Variants in CAPG observed in about 807,000 individuals in gnomAD.
CAPG encodes the protein macrophage-capping protein.
CAPG carries 32 observed loss-of-function variants against 44.6 expected under a neutral mutation model. The ratio of observed to expected loss-of-function variants is 0.72; its 90% CI spans 0.54 to 0.96. CAPG has a LOEUF of 0.96. CAPG is among the 50% of genes least tolerant of loss of function. CAPG has a pLI of 0.00. For missense variants in CAPG, 412 were observed against 438.3 expected (o/e 0.94, Z 0.54); for synonymous variants, 175 against 179.6 (o/e 0.97, Z 0.20).
chr2:85,392,556 C>T (rs1363086139), downstream of CAPG, among the ~76,000 whole-genome samples: 1 of 152,148 alleles, frequency 6.6e-6, no homozygotes, highest in East Asian at 1.9e-4. Context: ...TGACCCACTG[C>T]AGGGGGAAAC....
chr2:85,407,881 C>A (rs115327284), intron 1 of CAPG, among the ~76,000 whole-genome samples: 7,363 of 152,168 alleles, frequency 0.048, 268 homozygotes, highest in Middle Eastern at 0.075. Context: ...GAAACTCCTG[C>A]TGCCTCATTA....
chr2:85,392,250 C>T (rs1448170669), downstream of CAPG, among the ~76,000 whole-genome samples: 8 of 152,268 alleles, frequency 5.3e-5, no homozygotes, highest in South Asian at 2.1e-4. Context: ...ATTAGCCGGG[C>T]GTGGTGGCGG....
chr2:85,410,258 T>A (rs981797675), intron 1 of CAPG, 59 bp downstream of exon 1: 6 of 152,720 alleles, frequency 3.9e-5, no homozygotes, highest in African/African-American at 1.4e-4. Context: ...CCAGCCGCGC[T>A]GGCAGCCACC....
rs943386555 is a variant in CAPG, at chr2:85,395,451, TCTCC to T, written c.981+83_981+86del. ...GGTTGTTCCTGACAGTGCCCAAGGC[TCTCC>T]TGCCCTTCCTGGCCAATTTGAGGGG... On this transcript the variant is annotated intron_variant, in intron 9 of 9. Coordinates refer to ENST00000263867, the MANE Select transcript of CAPG (RefSeq NM_001747.4). The surrounding 1 kb of genome is among the most constrained non-coding windows in gnomAD (Gnocchi z 4.3). 61 of 1,051,366 alleles carry T rather than the reference TCTCC, an allele frequency of 5.8e-5. No individual in the cohort carries two copies. Among genetic ancestry groups the T allele is most frequent in the Middle Eastern group, 4.3e-4 (2 of 4,704 alleles). The allele number at this position is 1,051,366 out of a possible 1,614,324, so 65.1% of individuals were successfully genotyped here.
At chr2:85,408,404 G>T (rs148834671) in intron 1 of CAPG, among the ~76,000 whole-genome samples, 1 of 146,208 alleles carries the variant, frequency 6.8e-6, no homozygotes, top group African/African-American at 2.6e-5. Context: ...TTCCAGGCCC[G>T]TATCAAGCCC....
At chr2:85,410,396 A>G (rs1208181314), upstream of CAPG, 3 of 152,108 alleles carry the variant, frequency 2.0e-5, no homozygotes, top group South Asian at 6.2e-4. Flanking sequence ...GGCTGCCCCA[A>G]CCACCAGCCC....
chr2:85,412,862 G>A (rs1573194850), upstream of CAPG, among the ~76,000 whole-genome samples: 1 of 149,666 alleles, frequency 6.7e-6, no homozygotes, highest in Non-Finnish European at 1.5e-5. Flanking sequence ...GCCTCCCTGT[G>A]CCCCAATCTG....
At chr2:85,393,242 C>T (rs1017481385), downstream of CAPG, among the ~76,000 whole-genome samples, 1 of 152,008 alleles carries the variant, frequency 6.6e-6, no homozygotes, top group African/African-American at 2.4e-5. Context: ...CACCATGGTC[C>T]CCAGGCTGGT....
chr2:85,411,795 C>T (rs1687419472), upstream of CAPG, among the ~76,000 whole-genome samples: 1 of 152,198 alleles, frequency 6.6e-6, no homozygotes, highest in African/African-American at 2.4e-5. Context: ...GGCATGGTGG[C>T]TGTCTCCGGT....
At chr2:85,413,397 T>C (rs1687474277), upstream of CAPG, among the ~76,000 whole-genome samples, 1 of 152,134 alleles carries the variant, frequency 6.6e-6, no homozygotes, top group Admixed American at 6.5e-5. Context: ...CTGACCAACG[T>C]GGCGAAACCC....
In CAPG at chr2:85,405,050, T is replaced by C. The variant is rs539198894; in HGVS notation, c.-13-2892A>G. ...AACAAACAAACAAAAACCCTTCACC[T>C]AACATTATATTTAATGGCTGCTCTA... On this transcript the variant is annotated intron_variant, in intron 1 of 9. Transcript: ENST00000263867. Among the ~76,000 whole-genome samples, 3 of 152,024 alleles carry C rather than the reference T, an allele frequency of 2.0e-5. No individual in the cohort carries two copies. The East Asian group carries it at 5.8e-4, about 29-fold the overall frequency.
In CAPG at chr2:85,395,460, C is replaced by G. The variant is rs73945742; in HGVS notation, c.981+78G>C. ...TGACAGTGCCCAAGGCTCTCCTGCCCTTCCTGGCCAATTTGAGGGGTCAGG... is the reference window on the plus strand; with the variant it reads ...TGACAGTGCCCAAGGCTCTCCTGCCGTTCCTGGCCAATTTGAGGGGTCAGG... On this transcript the variant is annotated intron_variant, in intron 9 of 9. Transcript: ENST00000263867. The surrounding 1 kb of genome is among the most constrained non-coding windows in gnomAD (Gnocchi z 4.3). 8.2e-7 allele frequency: 1 copy of G among 1,221,776 alleles called. No individual in the cohort carries two copies. Among genetic ancestry groups the G allele is most frequent in the East Asian group, 2.5e-5 (1 of 40,784 alleles). The allele number at this position is 1,221,776 out of a possible 1,614,324, so 75.7% of individuals were successfully genotyped here.
chr2:85,397,750 T>C (rs1020084869), intron 8 of CAPG, among the ~76,000 whole-genome samples: 1 of 144,334 alleles, frequency 6.9e-6, no homozygotes, highest in African/African-American at 2.5e-5. Context: ...GCCTATGCCA[T>C]GGCTCACGCC....
At chr2:85,418,248 T>G (rs1687615809) in intron 1 of CAPG, 1 of 152,096 alleles carries the variant, frequency 6.6e-6, no homozygotes, top group South Asian at 2.1e-4. Context: ...CGCCCCTCTT[T>G]GTGCCTCGGT....
rs1254697923 is a variant in CAPG, at chr2:85,401,896, G to C, written c.85C>G (p.Leu29Val). The C allele has an allele frequency of 6.2e-7, 1 of 1,613,964 alleles. No homozygotes were observed. Among genetic ancestry groups the C allele is most frequent in the Non-Finnish European group, 8.5e-7 (1 of 1,179,980 alleles). The change falls in exon 3 of 10, where the codon CTG (leucine) becomes GTG (valine). Residue 29 changes from leucine (L) to valine (V), a missense_variant. By Grantham distance (32) the Leu-to-Val change is conservative (BLOSUM62 1). Coordinates refer to ENST00000263867, the MANE Select transcript of CAPG (RefSeq NM_001747.4). The stretch of plus-strand genomic sequence containing the variant: ...TCTTGCGCCACAGGCACCGGCTTCA[G>C]CTTCTCCACCCGCCACACATGCAGG... ...PGLHVWRVEK[L>V]KPVPVAQENQ...
At chr2:85,407,442 G>T (rs964509947) in intron 1 of CAPG, among the ~76,000 whole-genome samples, 9 of 152,050 alleles carry the variant, frequency 5.9e-5, no homozygotes, top group Non-Finnish European at 1.3e-4. Flanking sequence ...GCCAGGCATG[G>T]TGGCTCATGC....
downstream of CAPG, among the ~76,000 whole-genome samples, chr2:85,392,405 AAAG>A (rs201504118): frequency 0.015 from 2,216 of 151,150 alleles, 198 homozygotes; most frequent in East Asian, 0.26. Context: ...AAAAAAAAAA[AAAG>A]AGCCTCCAGG....
rs185763147 is a variant in CAPG, at chr2:85,401,224, G to A, written c.457C>T (p.Arg153Trp). The change falls in exon 5 of 10, where the codon CGG (arginine) becomes TGG (tryptophan). Residue 153 changes from arginine to tryptophan, a missense_variant. Transcript: ENST00000263867. Reference protein sequence around the residue: ...KGKKNIRATERALNWDSFNTG... With the variant: ...KGKKNIRATEWALNWDSFNTG... ...TTGAAGCTGTCCCAGTTCAGTGCCC[G>A]CTCGGTGGCACGGATGTTCTTCTTC... 28 of 1,614,160 alleles carry A rather than the reference G, an allele frequency of 1.7e-5. No homozygotes were observed. Among genetic ancestry groups the A allele is most frequent in the African/African-American group, 4.0e-5 (3 of 75,042 alleles).
chr2:85,417,699 G>A (rs892903326), intron 1 of CAPG, among the ~76,000 whole-genome samples: 10 of 151,950 alleles, frequency 6.6e-5, no homozygotes, highest in African/African-American at 2.2e-4. Context: ...GGCCAGGCTG[G>A]TCTTGAACCC....
Sources: gnomAD v4.1 joint callset for allele counts (sites outside exome capture counted in the v4.1 genomes callset) on GRCh38, gnomAD v4.1.1 for gene constraint, Gnocchi (gnomAD v3.1) non-coding constraint, MANE v1.5 for transcripts, NCBI Gene and HGNC (gene_info 2026-07-23, HGNC 2026-07-21) for gene names.